Variants in RPP14 observed in about 807,000 individuals in gnomAD.
The protein encoded by RPP14 is ribonuclease P protein subunit p14.
A neutral mutation model predicts 17.8 loss-of-function variants in RPP14; 19 were observed. The observed-to-expected ratio is 1.07, with a 90% CI of 0.74 to 1.57. The LOEUF (loss-of-function observed/expected upper bound fraction) is 1.57. RPP14 is among the 40% of genes most tolerant of loss of function. RPP14 has a pLI of 0.00. For synonymous variants in RPP14, 60 were observed against 56.4 expected (o/e 1.06, Z -0.29); for missense variants, 125 against 140.8 (o/e 0.89, Z 0.57).
chr3:58,319,661 A>G lies in RPP14; in HGVS notation c.*2165A>G, dbSNP rs550716620. 5.9e-5 allele frequency: 9 copies of G among 152,146 alleles called. 1 individual carries two copies. In the South Asian group the frequency reaches 1.9e-3, roughly 32 times the overall value. 9.4% of individuals were successfully genotyped at this position (152,146 alleles called of 1,614,324 possible). On this transcript the variant is annotated 3_prime_UTR_variant, in exon 6 of 6. Transcript: ENST00000295959. ...AAAAAAAAAATTGTAAGAAATAAAT[A>G]TTAAGAAGATTATGGAGGCCAAATT...
intron 3 of RPP14, among the ~76,000 whole-genome samples, chr3:58,314,481 A>G (rs1463364131): frequency 1.3e-5 from 2 of 152,222 alleles, no homozygotes; most frequent in Non-Finnish European, 2.9e-5. Flanking sequence ...AAGCACATGG[A>G]AAGATGTTTA....
rs140235809 is a variant in RPP14, at chr3:58,308,178, A to G, written c.-22+1761A>G. On this transcript the variant is annotated intron_variant, in intron 1 of 5. Coordinates refer to ENST00000295959, the MANE Select transcript of RPP14 (RefSeq NM_007042.6). ...ACTGGGAAAGAAGCATCAGGTAACT[A>G]TTTCCGCTGTCCTGAAACCAAGGAT... Among the ~76,000 whole-genome samples the G allele has an allele frequency of 2.9e-4, 44 of 152,266 alleles. 1 individual carries two copies. The East Asian group carries it at 7.1e-3, about 25-fold the overall frequency.
rs2097492997 is a variant in RPP14, at chr3:58,320,135, A to G, written c.*2639A>G. The G allele has an allele frequency of 6.6e-6, 1 of 152,146 alleles. No homozygotes were observed. The highest frequency in any genetic ancestry group is 2.4e-5 in the African/African-American group (1 of 41,428). The allele number at this position is 152,146 out of a possible 1,614,324, so 9.4% of individuals were successfully genotyped here. A position where few individuals can be genotyped will look rare whatever the true frequency, so the allele number is the denominator to read the frequency against. On this transcript the variant is annotated 3_prime_UTR_variant, in exon 6 of 6. Transcript: ENST00000295959. ...TTTCAGGGTTCATCCATGTTACAGC[A>G]TGTATCAGTACATCATTTTATTTTA...
At position 58,311,088 on chromosome 3, in the gene RPP14, A is replaced by G. The variant is rs151200216; in HGVS notation, c.162+497A>G. On this transcript the variant is annotated intron_variant, in intron 3 of 5. Coordinates refer to ENST00000295959, the MANE Select transcript of RPP14 (RefSeq NM_007042.6). ...TCCTCTCTACCCTCCTACCCTTCCC[A>G]GCCTCTGATAATCACCAATCTACTT... Among the ~76,000 whole-genome samples, 168 of 151,786 alleles carry G rather than the reference A, an allele frequency of 1.1e-3. 5 individuals carry two copies. In the East Asian group the frequency reaches 0.028, roughly 25 times the overall value.
intron 1 of RPP14, among the ~76,000 whole-genome samples, chr3:58,309,272 G>A (rs2097479355): frequency 6.6e-6 from 1 of 152,172 alleles, no homozygotes; most frequent in South Asian, 2.1e-4. Context: ...AACTGGTCTT[G>A]AGTGGGCTCA....
chr3:58,310,268 C>T, intron 1 of RPP14, 41 bp from the exon 2 acceptor site: 2 of 1,447,036 alleles, frequency 1.4e-6, no homozygotes, highest in Middle Eastern at 1.8e-4. Context: ...TGAAAAATAG[C>T]ATGTGCATTG....
At chr3:58,312,376 C>T (rs1258451343) in intron 3 of RPP14, among the ~76,000 whole-genome samples, 1 of 139,162 alleles carries the variant, frequency 7.2e-6, no homozygotes, top group East Asian at 2.6e-4. Context: ...TCTCCTGCCT[C>T]AGCCTCCCGA....
chr3:58,310,463 A>G, intron 2 of RPP14, 44 bp from the exon 3 acceptor site: 1 of 1,595,126 alleles, frequency 6.3e-7, no homozygotes, highest in East Asian at 2.2e-5. Flanking sequence ...GAATCTGAAT[A>G]GAATGAAATT....
rs1183698948 is a variant in RPP14 at position 58,318,174 on chromosome 3, T to C, written c.*678T>C. ...ACACCAATGCTGTTGTTAAAGAGCC[T>C]ATGGGGAATTGCTGCTCTTTACCAA... On this transcript the variant is annotated 3_prime_UTR_variant, in exon 6 of 6. Transcript: ENST00000295959. The C allele has an allele frequency of 1.6e-6, 1 of 606,556 alleles. No homozygotes were observed. Among genetic ancestry groups the C allele is most frequent in the East Asian group, 2.7e-5 (1 of 36,538 alleles). 37.6% of individuals were successfully genotyped at this position (606,556 alleles called of 1,614,324 possible).
At position 58,310,299 on chromosome 3, in the gene RPP14, C is replaced by A; in HGVS notation, c.-21-10C>A. On this transcript the variant is annotated splice_polypyrimidine_tract_variant and intron_variant, in intron 1 of 5. Transcript: ENST00000295959. ...CATTGGTCATTTCTAGCCCTCTTGA[C>A]TTACTGTAGGTGTGATCAGCACTGG... The A allele has an allele frequency of 1.3e-6, 2 of 1,599,704 alleles. No individual in the cohort carries two copies. Among genetic ancestry groups the A allele is most frequent in the African/African-American group, 1.3e-5 (1 of 74,716 alleles).
chr3:58,312,385 G>A lies in RPP14; in HGVS notation c.162+1794G>A, dbSNP rs1402311068. 1.1e-4 allele frequency among the ~76,000 whole-genome samples: 11 copies of A among 100,838 alleles called. No homozygotes were observed. In the Admixed American group the frequency reaches 1.8e-3, roughly 16 times the overall value. The allele number at this position is 100,838 out of a possible 152,430, so 66.2% of individuals were successfully genotyped here. ...AGTGATTCTCCTGCCTCAGCCTCCC[G>A]AGTAGCTGAGACTACAGGTACCTGC... On this transcript the variant is annotated intron_variant, in intron 3 of 5. Transcript: ENST00000295959.
At position 58,315,672 on chromosome 3, in the gene RPP14, TTTTA is replaced by T. The variant is rs553685266; in HGVS notation, c.163-827_163-824del. 814 of 152,330 alleles carry T rather than the reference TTTTA, an allele frequency of 5.3e-3. 2 individuals carry two copies. Among genetic ancestry groups the T allele is most frequent in the South Asian group, 0.018 (86 of 4,822 alleles). The allele number at this position is 152,330 out of a possible 1,614,324, so 9.4% of individuals were successfully genotyped here. A position where few individuals can be genotyped will look rare whatever the true frequency, so the allele number is the denominator to read the frequency against. Reference sequence around the variant, plus strand: ...GCATGAACCTCCCTGTACATTTCTTTTTTATTTATTTATTTATTTTTGAAACAGA... The same window carrying T: ...GCATGAACCTCCCTGTACATTTCTTTTTTATTTATTTATTTTTGAAACAGA... On this transcript the variant is annotated intron_variant, in intron 3 of 5. Coordinates refer to ENST00000295959, the MANE Select transcript of RPP14 (RefSeq NM_007042.6).
Position 58,310,374 on chromosome 3 carries a change from CCCTT to C in RPP14, c.48_51del (p.Glu18ThrfsTer4). The C allele has an allele frequency of 6.2e-7, 1 of 1,614,178 alleles. No individual in the cohort carries two copies. The highest frequency in any genetic ancestry group is 1.1e-5 in the South Asian group (1 of 91,076). On this transcript the variant is annotated frameshift_variant, in exon 2 of 6. Transcript: ENST00000295959. LOFTEE classifies it high-confidence loss of function. The stretch of plus-strand genomic sequence containing the variant: ...CATATGAAAGAGTAGTTTACAAAAA[CCCTT>C]CCGAGTACCACTACATGAAAGTCTG...
intron 1 of RPP14, 100 bp from the exon 2 acceptor site, chr3:58,310,209 A>C: frequency 1.3e-6 from 1 of 776,838 alleles, no homozygotes; most frequent in Non-Finnish European, 2.1e-6. Context: ...CCTGCCTTAA[A>C]ACAAACAAAC....
At chr3:58,312,419 C>T (rs74819740) in intron 3 of RPP14, among the ~76,000 whole-genome samples, 6,668 of 150,354 alleles carry the variant, frequency 0.044, 517 homozygotes, top group African/African-American at 0.16. Context: ...GCCACCACGC[C>T]CAGCTAATTT....
chr3:58,306,331 G>A lies in RPP14; in HGVS notation c.-108G>A, dbSNP rs2097474422. The stretch of plus-strand genomic sequence containing the variant: ...CAGGAGTTTCTCGGGCCCAGCTGTG[G>A]CTGCTGCCGGGGAGCCCCAAGCCTT... On this transcript the variant is annotated 5_prime_UTR_variant, in exon 1 of 6. Transcript: ENST00000295959. 1 of 152,438 alleles carries A rather than the reference G, an allele frequency of 6.6e-6. No individual in the cohort carries two copies. Among genetic ancestry groups the A allele is most frequent in the African/African-American group, 2.4e-5 (1 of 41,486 alleles). The allele number at this position is 152,438 out of a possible 1,614,324, so 9.4% of individuals were successfully genotyped here. A position where few individuals can be genotyped will look rare whatever the true frequency, so the allele number is the denominator to read the frequency against.
intron 3 of RPP14, among the ~76,000 whole-genome samples, chr3:58,312,473 C>G (rs1341542502): frequency 1.3e-5 from 2 of 151,930 alleles, no homozygotes; most frequent in Non-Finnish European, 2.9e-5. Flanking sequence ...TTTGAAATTG[C>G]AGAAGTAAAC....
intron 3 of RPP14, among the ~76,000 whole-genome samples, chr3:58,314,237 G>T (rs974811328): frequency 6.6e-6 from 1 of 152,178 alleles, no homozygotes; most frequent in Non-Finnish European, 1.5e-5. Context: ...TGTAACCCCA[G>T]CTACTCGGGA....
chr3:58,310,222 A>T, intron 1 of RPP14, 87 bp from the exon 2 acceptor site: 1 of 1,067,408 alleles, frequency 9.4e-7, no homozygotes, highest in Non-Finnish European at 1.4e-6. Flanking sequence ...AAACAAACAA[A>T]AAAAACCCAA....
Sources: allele counts gnomAD v4.1 joint callset (sites outside exome capture counted in the v4.1 genomes callset), GRCh38; gene constraint gnomAD v4.1.1; transcripts MANE v1.5; gene names NCBI Gene and HGNC (gene_info 2026-07-23, HGNC 2026-07-21).